The following CRAMP1 variants were observed in gnomAD, a reference collection of about 807,000 sequenced individuals.
The protein encoded by CRAMP1 is protein cramped-like.
CRAMP1 carries 50 observed loss-of-function variants against 115.4 expected under a neutral mutation model. The ratio of observed to expected loss-of-function variants is 0.43; its 90% CI spans 0.35 to 0.55. The LOEUF (loss-of-function observed/expected upper bound fraction) is 0.55, where lower values mean the gene tolerates loss of function less well. Ranked by LOEUF, CRAMP1 falls within the 20% of genes least tolerant of loss-of-function variation. The pLI is 0.01. For synonymous variants in CRAMP1, 866 were observed against 745.4 expected, an observed-to-expected ratio of 1.16 and a Z score of -2.64; for missense variants, 1,679 against 1,721.7, an observed-to-expected ratio of 0.98 and a Z score of 0.44.
chr16:1,618,206 C>T (rs1213212576), intron 2 of CRAMP1, among the ~76,000 whole-genome samples: 1 of 152,160 alleles, frequency 6.6e-6, no homozygotes, highest in African/African-American at 2.4e-5. Context: ...CGCTTGAACC[C>T]GGGAGGCGGA....
In CRAMP1 at chr16:1,670,771, G is replaced by C; in HGVS notation, c.3607G>C (p.Asp1203His). The C allele has an allele frequency of 6.2e-7, 1 of 1,614,024 alleles. No homozygotes were observed. Among genetic ancestry groups the C allele is most frequent in the Non-Finnish European group, 8.5e-7 (1 of 1,179,900 alleles). ...CAGCTTGTTGGATGGAAACTCGCGG[G>C]ACTCATTTGTGTCCAGGTCCCTGGC... ...GPSLLDGNSR[D>H]SFVSRSLADV... is the part of the protein sequence containing the mutation. Residue 1203 changes from aspartate to histidine, a missense_variant, in exon 20 of 21, where the codon GAC (aspartate) becomes CAC (histidine). Physicochemically the swap from Asp to His is moderately conservative, Grantham distance 81. Transcript: ENST00000397412.
chr16:1,668,900 G>GC (rs2036898468), intron 18 of CRAMP1, 101 bp from the exon 19 acceptor site: 12 of 1,089,388 alleles, frequency 1.1e-5, no homozygotes, highest in African/African-American at 1.6e-5. Flanking sequence ...GCAGGGTAGA[G>GC]CCCTGCGGCC....
At chr16:1,627,751 C>T (rs7199891) in intron 3 of CRAMP1, among the ~76,000 whole-genome samples, 24,982 of 152,090 alleles carry the variant, frequency 0.16, 2,632 homozygotes, top group African/African-American at 0.29. Flanking sequence ...CCTTTTCTTC[C>T]CTTGGAGGGT....
At chr16:1,637,941 C>G in intron 5 of CRAMP1, 34 bp downstream of exon 5, 1 of 1,143,340 alleles carries the variant, frequency 8.7e-7, no homozygotes, top group Non-Finnish European at 1.2e-6. Context: ...GCCCACGGCT[C>G]CTCCTGTCCT....
chr16:1,643,847 G>A (rs2036652881), intron 6 of CRAMP1, among the ~76,000 whole-genome samples: 1 of 152,256 alleles, frequency 6.6e-6, no homozygotes. Context: ...CGGCATGGCT[G>A]AATGTCGGCT....
rs377284951 is a variant in CRAMP1, at chr16:1,662,745, C to T, written c.2596-16C>T. Reference sequence around the variant, plus strand: ...GGAGAGTGCACCTTCAGGTGCCGGACGCTGCTCCCTTACAGATGCAGTCGG... The same window carrying T: ...GGAGAGTGCACCTTCAGGTGCCGGATGCTGCTCCCTTACAGATGCAGTCGG... On this transcript the variant is annotated splice_polypyrimidine_tract_variant and intron_variant, in intron 12 of 20. Coordinates refer to ENST00000397412, the MANE Select transcript of CRAMP1 (RefSeq NM_020825.4). 3.8e-5 allele frequency: 61 copies of T among 1,613,814 alleles called. No homozygotes were observed. In the Admixed American group the frequency reaches 6.5e-4, roughly 17 times the overall value.
chr16:1,663,724 AC>A (rs1335609889), intron 13 of CRAMP1, among the ~76,000 whole-genome samples: 1 of 152,108 alleles, frequency 6.6e-6, no homozygotes, highest in Non-Finnish European at 1.5e-5. Flanking sequence ...CTATGAACTC[AC>A]GTTGCCTTCT....
At position 1,612,457 on chromosome 16, in the gene CRAMP1, GCAGCC is replaced by G. The variant is rs2036356427; in HGVS notation, c.-201_-197del. 6.6e-6 allele frequency: 1 copy of G among 151,234 alleles called. No homozygotes were observed. The highest frequency in any genetic ancestry group is 2.4e-5 in the African/African-American group (1 of 41,316). The allele number at this position is 151,234 out of a possible 1,614,324, so 9.4% of individuals were successfully genotyped here. On this transcript the variant is annotated 5_prime_UTR_variant, in exon 1 of 21. Transcript: ENST00000397412. Reference sequence around the variant, plus strand: ...GGCAGTATCTGCGTCCGCAGCCCCCGCAGCCGCGCGCCGGCCCGCGGAGGGGACGT... The same window carrying G: ...GGCAGTATCTGCGTCCGCAGCCCCCGGCGCGCCGGCCCGCGGAGGGGACGT...
rs2036392233 is a variant in CRAMP1, at chr16:1,614,065, G to A, written c.-1-574G>A. Among the ~76,000 whole-genome samples the A allele has an allele frequency of 6.8e-6, 1 of 147,702 alleles. No individual in the cohort carries two copies. The highest frequency in any genetic ancestry group is 2.1e-4 in the South Asian group (1 of 4,744). ...TCCTCCTCCAGGGCCAGCTCTGGGG[G>A]CCGGCGCGTGGGGCAGGTGCGCGGG... On this transcript the variant is annotated intron_variant, in intron 1 of 20. Coordinates refer to ENST00000397412, the MANE Select transcript of CRAMP1 (RefSeq NM_020825.4). The surrounding 1 kb of genome is among the most constrained non-coding windows in gnomAD (Gnocchi z 4.4).
Position 1,656,624 on chromosome 16 carries a change from C to T in CRAMP1, c.1867C>T (p.Leu623Phe), listed in dbSNP as rs992663171. The T allele has an allele frequency of 1.1e-5, 18 of 1,576,544 alleles. No individual in the cohort carries two copies. The East Asian group carries it at 1.2e-4, about 10-fold the overall frequency. ...TGPSPRPGPG[L>F]LLDVCTKDLA... is the part of the protein sequence containing the mutation. Reference sequence around the variant, plus strand: ...CCCATCCCCGAGGCCCGGCCCCGGGCTCCTGCTGGATGTTTGCACTAAAGA... The same window carrying T: ...CCCATCCCCGAGGCCCGGCCCCGGGTTCCTGCTGGATGTTTGCACTAAAGA... Residue 623 changes from leucine to phenylalanine, a missense_variant, in exon 10 of 21, where the codon CTC (leucine) becomes TTC (phenylalanine). Around this residue, in one of 8 missense-constraint regions of CRAMP1, gnomAD observed 405 missense variants for 302.6 expected, o/e 1.34. Transcript: ENST00000397412. The surrounding 1 kb of genome is among the most constrained non-coding windows in gnomAD (Gnocchi z 5.6).
rs966120137 is a variant in CRAMP1 at position 1,653,258 on chromosome 16, C to T, written c.1037+102C>T. 9.7e-6 allele frequency: 13 copies of T among 1,342,950 alleles called. No individual in the cohort carries two copies. The African/African-American group carries it at 1.9e-4, about 19-fold the overall frequency. The allele number at this position is 1,342,950 out of a possible 1,614,324, so 83.2% of individuals were successfully genotyped here. ...AAGGAACTTCCAGGAGAAGCAGGTC[C>T]ACCCCTATGCTCTGTCATCACACGA... On this transcript the variant is annotated intron_variant, in intron 8 of 20. Coordinates refer to ENST00000397412, the MANE Select transcript of CRAMP1 (RefSeq NM_020825.4).
intron 1 of CRAMP1, among the ~76,000 whole-genome samples, 21 bp downstream of exon 1, chr16:1,612,678 G>GGGCTGTCAT (rs2036364534): frequency 6.6e-6 from 1 of 152,138 alleles, no homozygotes; most frequent in South Asian, 2.1e-4. Flanking sequence ...CTGGGCGGCG[G>GGGCTGTCAT]GGCTGTCATG....
At chr16:1,651,172 C>A (rs1041353774) in intron 6 of CRAMP1, among the ~76,000 whole-genome samples, 1 of 151,598 alleles carries the variant, frequency 6.6e-6, no homozygotes, top group African/African-American at 2.4e-5. Context: ...GGACTGAGGT[C>A]ACGGAGAGGT....
rs1202657524 is a variant in CRAMP1 at position 1,671,671 on chromosome 16, A to G, written c.3645+862A>G. On this transcript the variant is annotated intron_variant, in intron 20 of 20. Transcript: ENST00000397412. This position sits in a 1 kb window ranked among gnomAD's most constrained non-coding sequence, Gnocchi z 5.0. ...GCATTCCCCGAATCTAGTCCCCACAATGTTGAGACATTGGCAGGTGTTCCT... is the reference window on the plus strand; with the variant it reads ...GCATTCCCCGAATCTAGTCCCCACAGTGTTGAGACATTGGCAGGTGTTCCT... 6.6e-6 allele frequency among the ~76,000 whole-genome samples: 1 copy of G among 152,158 alleles called. No individual in the cohort carries two copies. The highest frequency in any genetic ancestry group is 2.4e-5 in the African/African-American group (1 of 41,452).
chr16:1,665,008 T>C (rs1201452391), intron 13 of CRAMP1, 49 bp from the exon 14 acceptor site: 1 of 1,292,156 alleles, frequency 7.7e-7, no homozygotes, highest in African/African-American at 1.5e-5. Flanking sequence ...GGAGTGATTT[T>C]TTGGTATGGG....
chr16:1,655,554 C>T (rs977085534), intron 9 of CRAMP1, among the ~76,000 whole-genome samples: 11 of 152,194 alleles, frequency 7.2e-5, no homozygotes, highest in African/African-American at 2.2e-4. Context: ...GTCTGGCCCA[C>T]GGGGTGTGGC....
At chr16:1,615,406 G>C (rs143443134) in intron 2 of CRAMP1, among the ~76,000 whole-genome samples, 4 of 152,176 alleles carry the variant, frequency 2.6e-5, no homozygotes, top group African/African-American at 7.2e-5. Context: ...AAACTCATTG[G>C]GGGGAAGATG....
chr16:1,626,261 T>A, intron 3 of CRAMP1, 95 bp downstream of exon 3: 1 of 1,214,832 alleles, frequency 8.2e-7, no homozygotes, highest in Non-Finnish European at 1.1e-6. Flanking sequence ...TGTTAGATTC[T>A]AGAACGCAGA....
intron 9 of CRAMP1, 34 bp downstream of exon 9, chr16:1,655,334 C>T (rs1201293579): frequency 1.3e-6 from 2 of 1,557,252 alleles, no homozygotes; most frequent in African/African-American, 2.7e-5. Context: ...ACCATCCAGG[C>T]TGCGCTGCCT....
Sources: gnomAD v4.1 joint callset for allele counts (sites outside exome capture counted in the v4.1 genomes callset) on GRCh38, gnomAD v4.1.1 for gene constraint, gnomAD v4.1.1 regional missense constraint, Gnocchi (gnomAD v3.1) non-coding constraint, MANE v1.5 for transcripts, NCBI Gene and HGNC (gene_info 2026-07-23, HGNC 2026-07-21) for gene names.